TMEM117: variants seen among roughly 807,000 people sequenced by gnomAD.
The protein encoded by TMEM117 is transmembrane protein 117.
TMEM117 carries 27 observed loss-of-function variants against 52.4 expected under a neutral mutation model. That is an observed-to-expected ratio of 0.51 (90% CI 0.38 to 0.71). TMEM117 has a LOEUF of 0.71. Ranked by LOEUF, TMEM117 falls within the 30% of genes least tolerant of loss-of-function variation. The pLI, the probability that TMEM117 is intolerant of heterozygous loss-of-function variation, is 0.00. For missense variants in TMEM117, 556 were observed against 630.5 expected (o/e 0.88, Z 1.26); for synonymous variants, 215 against 206.3 (o/e 1.04, Z -0.36).
chr12:43,875,464 T>C (rs1943779612), intron 2 of TMEM117, among the ~76,000 whole-genome samples: 1 of 152,240 alleles, frequency 6.6e-6, no homozygotes, highest in Non-Finnish European at 1.5e-5. Flanking sequence ...GCTTTTGGGA[T>C]ATGCTGTTGC....
intron 2 of TMEM117, among the ~76,000 whole-genome samples, chr12:43,893,764 C>G (rs1193956385): frequency 6.6e-6 from 1 of 152,174 alleles, no homozygotes; most frequent in Non-Finnish European, 1.5e-5. Context: ...AACCCTAACC[C>G]AGACTTACTG....
chr12:44,143,426 T>A, intron 3 of TMEM117, 99 bp from the exon 4 acceptor site: 2 of 796,388 alleles, frequency 2.5e-6, no homozygotes, highest in Non-Finnish European at 4.0e-6. Flanking sequence ...GACAGCTTGC[T>A]GAGAATGGGA....
intron 2 of TMEM117, among the ~76,000 whole-genome samples, chr12:43,908,937 A>G (rs1944441654): frequency 7.1e-6 from 1 of 141,276 alleles, no homozygotes; most frequent in South Asian, 2.6e-4. Context: ...AGACAGATCA[A>G]CGAGACAGAA....
rs138403479 is a variant in TMEM117, at chr12:44,073,114, AC to A, written c.411-70410del. On this transcript the variant is annotated intron_variant, in intron 3 of 7. Transcript: ENST00000266534. ...GCCCAAAAAAAAAAACAACAAAAAA[AC>A]AACCCACATTGTCTTTTGTTTTCTG... is the stretch of plus-strand genomic sequence containing the variant. Among the ~76,000 whole-genome samples the A allele has an allele frequency of 0.018, 2,683 of 152,204 alleles. 171 individuals are homozygous for A. In the East Asian group the frequency reaches 0.22, roughly 13 times the overall value.
chr12:44,156,501 C>T (rs773235841), intron 4 of TMEM117, among the ~76,000 whole-genome samples: 1 of 152,002 alleles, frequency 6.6e-6, no homozygotes, highest in Non-Finnish European at 1.5e-5. Context: ...GCCTGTGTCT[C>T]ACTCTGGGAT....
chr12:44,053,324 G>T (rs1462162796), intron 3 of TMEM117, among the ~76,000 whole-genome samples: 1 of 152,166 alleles, frequency 6.6e-6, no homozygotes, highest in East Asian at 1.9e-4. Context: ...TATTATAAAG[G>T]TTACAAATGA....
chr12:43,870,734 C>G (rs969401745), intron 2 of TMEM117, among the ~76,000 whole-genome samples: 27 of 152,094 alleles, frequency 1.8e-4, no homozygotes, highest in African/African-American at 5.3e-4. Context: ...GTACTCCCAC[C>G]AACAGTGTAA....
At chr12:44,119,920 G>A (rs1269208806) in intron 3 of TMEM117, among the ~76,000 whole-genome samples, 1 of 152,168 alleles carries the variant, frequency 6.6e-6, no homozygotes, top group Non-Finnish European at 1.5e-5. Context: ...ACCATGGGCA[G>A]TGGTGAAGGA....
chr12:44,321,786 A>T (rs1009715244), intron 6 of TMEM117, among the ~76,000 whole-genome samples: 1 of 152,204 alleles, frequency 6.6e-6, no homozygotes, highest in African/African-American at 2.4e-5. Flanking sequence ...TGTATTCTCA[A>T]CTGCAAGCTA....
intron 3 of TMEM117, among the ~76,000 whole-genome samples, chr12:44,078,752 A>C (rs1453973035): frequency 2.6e-5 from 4 of 151,664 alleles, no homozygotes; most frequent in Non-Finnish European, 5.9e-5. Flanking sequence ...GATACATGTG[A>C]AGAATGTGCA....
intron 3 of TMEM117, among the ~76,000 whole-genome samples, chr12:44,068,769 G>C (rs1947258657): frequency 6.6e-6 from 1 of 152,142 alleles, no homozygotes; most frequent in African/African-American, 2.4e-5. Context: ...GACACAAAGT[G>C]AGCCCATGCT....
chr12:44,363,530 A>G (rs1465485688), intron 6 of TMEM117, among the ~76,000 whole-genome samples: 2 of 152,216 alleles, frequency 1.3e-5, no homozygotes, highest in African/African-American at 4.8e-5. Context: ...TCAGGGCATG[A>G]TTAATCATAA....
rs574005371 is a variant in TMEM117 at position 44,270,011 on chromosome 12, G to A, written c.609-29569G>A. Among the ~76,000 whole-genome samples, 4 of 152,156 alleles carry A rather than the reference G, an allele frequency of 2.6e-5. No homozygotes were observed. In the South Asian group the frequency reaches 8.3e-4, roughly 32 times the overall value. Reference sequence around the variant, plus strand: ...AACGACCTGGAAAAAGAAGACTAAAGAATGACTAAATTGTTGTCATTTAAG... The same window carrying A: ...AACGACCTGGAAAAAGAAGACTAAAAAATGACTAAATTGTTGTCATTTAAG... On this transcript the variant is annotated intron_variant, in intron 5 of 7. Transcript: ENST00000266534.
chr12:44,119,586 T>C lies in TMEM117; in HGVS notation c.411-23939T>C, dbSNP rs143967337. ...TGATTCTTATTGCAGTTGTCCTTTGTAGTGACTTCTGAGACCCTTTGTGGC... is the reference window on the plus strand; with the variant it reads ...TGATTCTTATTGCAGTTGTCCTTTGCAGTGACTTCTGAGACCCTTTGTGGC... On this transcript the variant is annotated intron_variant, in intron 3 of 7. Coordinates refer to ENST00000266534, the MANE Select transcript of TMEM117 (RefSeq NM_032256.3). Among the ~76,000 whole-genome samples, 1,344 of 152,282 alleles carry C rather than the reference T, an allele frequency of 8.8e-3. 22 individuals carry two copies. The highest frequency in any genetic ancestry group is 0.03 in the African/African-American group (1,247 of 41,546).
At chr12:43,864,203 G>A (rs1025105462) in intron 2 of TMEM117, among the ~76,000 whole-genome samples, 48 of 152,182 alleles carry the variant, frequency 3.2e-4, no homozygotes, top group Admixed American at 2.7e-3. Flanking sequence ...GTTCCTGCGC[G>A]GCCTGAGCCT....
intron 2 of TMEM117, among the ~76,000 whole-genome samples, chr12:43,928,521 C>G (rs1944818349): frequency 6.6e-6 from 1 of 151,770 alleles, no homozygotes; most frequent in African/African-American, 2.4e-5. Flanking sequence ...GTATTTAGTC[C>G]ATTTGTACTT....
chr12:44,226,306 G>A (rs1006086283), intron 5 of TMEM117, among the ~76,000 whole-genome samples: 1 of 152,092 alleles, frequency 6.6e-6, no homozygotes, highest in African/African-American at 2.4e-5. Context: ...GGATAAGAAT[G>A]GGATCACTGG....
chr12:43,938,271 T>G (rs886274806), intron 2 of TMEM117, among the ~76,000 whole-genome samples: 1 of 147,862 alleles, frequency 6.8e-6, no homozygotes, highest in African/African-American at 2.5e-5. Flanking sequence ...TATTATATAT[T>G]TATTATATTT....
At chr12:43,797,817 CCCA>C in the TMEM117 span, 1 of 1,613,226 alleles carries the variant, frequency 6.2e-7, no homozygotes, top group East Asian at 2.2e-5. Context: ...AGTGTCCACA[CCCA>C]CGTCAGTCTG....
Sources: allele counts gnomAD v4.1 joint callset (sites outside exome capture counted in the v4.1 genomes callset), GRCh38; gene constraint gnomAD v4.1.1; transcripts MANE v1.5; gene names NCBI Gene and HGNC (gene_info 2026-07-23, HGNC 2026-07-21).